SPATA2L: variants seen among roughly 807,000 people sequenced by gnomAD.
SPATA2L encodes spermatogenesis-associated protein 2-like protein.
In SPATA2L, 5 loss-of-function variants were observed where a neutral mutation model predicts 8.7. The observed-to-expected ratio is 0.57, with a 90% confidence interval of 0.30 to 1.21. The LOEUF (loss-of-function observed/expected upper bound fraction) is 1.21, where lower values mean the gene tolerates loss of function less well. SPATA2L is among the 50% of genes most tolerant of loss of function. SPATA2L has a pLI of 0.07. For synonymous variants in SPATA2L, 358 were observed against 275.8 expected (o/e 1.30, Z -2.95); for missense variants, 671 against 591.0 (o/e 1.14, Z -1.40).
chr16:89,698,064 A>G lies in SPATA2L; in HGVS notation c.545T>C (p.Leu182Pro). ...CCCGCTGGCACGCCGTGCCTGCAGC[A>G]GCTCCTCAGCTGGCAGCACACTGGT... is the stretch of plus-strand genomic sequence containing the variant. ...LGTSVLPAEE[L>P]LQARRASGDV... The change falls in exon 3 of 3, where the codon CTG becomes CCG. Residue 182 changes from leucine (L) to proline (P), a missense_variant. Physicochemically the swap from Leu to Pro is moderately conservative, Grantham distance 98. Transcript: ENST00000289805. 1 of 1,598,724 alleles carries G rather than the reference A, an allele frequency of 6.3e-7. No individual in the cohort carries two copies.
chr16:89,696,770 G>A lies in SPATA2L; in HGVS notation c.*564C>T, dbSNP rs991920985. 6.5e-7 allele frequency: 1 copy of A among 1,530,982 alleles called. No individual in the cohort carries two copies. The allele number at this position is 1,530,982 out of a possible 1,614,324, so 94.8% of individuals were successfully genotyped here. ...AGGTCAGGTCATTTCCTGTCTGTGGGCCCAGCTGCTGTGACACCCAAGGGG... is the reference window on the plus strand; with the variant it reads ...AGGTCAGGTCATTTCCTGTCTGTGGACCCAGCTGCTGTGACACCCAAGGGG... On this transcript the variant is annotated 3_prime_UTR_variant, in exon 3 of 3. Coordinates refer to ENST00000289805, the MANE Select transcript of SPATA2L (RefSeq NM_152339.4).
In SPATA2L at chr16:89,697,751, C is replaced by T. The variant is rs770388702; in HGVS notation, c.858G>A (p.Pro286=). Residue 286 remains proline, a synonymous_variant, in exon 3 of 3, where the codon CCG becomes CCA. Coordinates refer to ENST00000289805, the MANE Select transcript of SPATA2L (RefSeq NM_152339.4). ...RAWEPPAEEL[P]QASSPPYGAL... ...CCCCATATGGTGGGCTGCTGGCCTG[C>T]GGCAGCTCCTCAGCTGGGGGCTCCC... is the stretch of plus-strand genomic sequence containing the variant. 3.2e-5 allele frequency: 51 copies of T among 1,604,252 alleles called. No individual in the cohort carries two copies. Among genetic ancestry groups the T allele is most frequent in the Admixed American group, 2.6e-4 (15 of 58,712 alleles).
In SPATA2L at chr16:89,697,075, C is replaced by G. The variant is rs1375136198; in HGVS notation, c.*259G>C. Reference sequence around the variant, plus strand: ...ACAGGCTGGACCCCTCTACCCAGCACATGTGGGCATGCGTCTGGGTTCCGA... The same window carrying G: ...ACAGGCTGGACCCCTCTACCCAGCAGATGTGGGCATGCGTCTGGGTTCCGA... On this transcript the variant is annotated 3_prime_UTR_variant, in exon 3 of 3. Transcript: ENST00000289805. The G allele has an allele frequency of 1.4e-6, 2 of 1,387,830 alleles. No individual in the cohort carries two copies. The highest frequency in any genetic ancestry group is 5.2e-5 in the East Asian group (2 of 38,710). 86.0% of individuals were successfully genotyped at this position (1,387,830 alleles called of 1,614,324 possible).
Position 89,701,006 on chromosome 16 carries a change from C to T in SPATA2L, c.227G>A (p.Arg76His). 1 of 1,565,868 alleles carries T rather than the reference C, an allele frequency of 6.4e-7. No homozygotes were observed. The change falls in exon 2 of 3, where the codon CGC (arginine) becomes CAC (histidine). Residue 76 changes from arginine (R) to histidine (H), a missense_variant. Transcript: ENST00000289805. ...DLAPALRGLA[R>H]AFELLELAAV... ...GGCGAGCTCCAGAAGCTCGAAGGCG[C>T]GAGCCAGGCCGCGTAGCGCGGGCGC... is the stretch of plus-strand genomic sequence containing the variant.
chr16:89,696,810 C>G lies in SPATA2L; in HGVS notation c.*524G>C. 6.5e-7 allele frequency: 1 copy of G among 1,534,414 alleles called. No individual in the cohort carries two copies. Among genetic ancestry groups the G allele is most frequent in the Non-Finnish European group, 8.7e-7 (1 of 1,145,962 alleles). On this transcript the variant is annotated 3_prime_UTR_variant, in exon 3 of 3. Coordinates refer to ENST00000289805, the MANE Select transcript of SPATA2L (RefSeq NM_152339.4). ...CACCCAAGGGGAGGGCCGGCGTCCC[C>G]GAAGCCAGGTCAGCCGTGCACCCGG...
chr16:89,701,356 G>T, intron 1 of SPATA2L, 123 bp from the exon 2 acceptor site: 1 of 1,027,642 alleles, frequency 9.7e-7, no homozygotes. Flanking sequence ...GCCCCCAGCG[G>T]CTGGGCGCCC....
In SPATA2L at chr16:89,697,070, C is replaced by T; in HGVS notation, c.*264G>A. On this transcript the variant is annotated 3_prime_UTR_variant, in exon 3 of 3. Coordinates refer to ENST00000289805, the MANE Select transcript of SPATA2L (RefSeq NM_152339.4). ...CTGGAACAGGCTGGACCCCTCTACC[C>T]AGCACATGTGGGCATGCGTCTGGGT... 5 of 1,393,004 alleles carry T rather than the reference C, an allele frequency of 3.6e-6. No homozygotes were observed. Among genetic ancestry groups the T allele is most frequent in the Non-Finnish European group, 4.6e-6 (5 of 1,075,740 alleles). The allele number at this position is 1,393,004 out of a possible 1,614,324, so 86.3% of individuals were successfully genotyped here. A position where few individuals can be genotyped will look rare whatever the true frequency, so the allele number is the denominator to read the frequency against.
intron 2 of SPATA2L, among the ~76,000 whole-genome samples, chr16:89,698,553 T>A (rs1490404112): frequency 7.9e-5 from 10 of 126,458 alleles, no homozygotes; most frequent in African/African-American, 2.9e-4. Flanking sequence ...TGGCTCCATC[T>A]CAGCTCACTG....
At chr16:89,700,894 G>A in intron 2 of SPATA2L, 36 bp downstream of exon 2, 3 of 1,411,230 alleles carry the variant, frequency 2.1e-6, no homozygotes, top group Non-Finnish European at 2.8e-6. Flanking sequence ...CCGCAGGCCA[G>A]GACGAGGGGC....
At position 89,701,122 on chromosome 16, in the gene SPATA2L, C is replaced by A; in HGVS notation, c.111G>T (p.Gln37His). 6.5e-7 allele frequency: 1 copy of A among 1,548,276 alleles called. No individual in the cohort carries two copies. Among genetic ancestry groups the A allele is most frequent in the Non-Finnish European group, 8.7e-7 (1 of 1,153,950 alleles). Residue 37 changes from glutamine to histidine, a missense_variant, in exon 2 of 3, where the codon CAG becomes CAT. Coordinates refer to ENST00000289805, the MANE Select transcript of SPATA2L (RefSeq NM_152339.4). ...GDPSLRAVLW[Q>H]ILVEDFDLHG... is the part of the protein sequence containing the mutation. ...GCAGGTCGAAGTCCTCCACCAGGATCTGCCAGAGCACCGCGCGCAGCGAGG... is the reference window on the plus strand; with the variant it reads ...GCAGGTCGAAGTCCTCCACCAGGATATGCCAGAGCACCGCGCGCAGCGAGG...
Position 89,700,934 on chromosome 16 carries a change from ATGG to A in SPATA2L, c.296_298del (p.Thr99del), listed in dbSNP as rs2060772052. 2 of 1,468,648 alleles carry A rather than the reference ATGG, an allele frequency of 1.4e-6. No individual in the cohort carries two copies. Among genetic ancestry groups the A allele is most frequent in the Non-Finnish European group, 1.8e-6 (2 of 1,106,574 alleles). The allele number at this position is 1,468,648 out of a possible 1,614,324, so 91.0% of individuals were successfully genotyped here. On this transcript the variant is annotated inframe_deletion, in exon 2 of 3. Coordinates refer to ENST00000289805, the MANE Select transcript of SPATA2L (RefSeq NM_152339.4). ...TCCTCCTGGCCTGGCGCCTACCTTG[ATGG>A]TGGTGAACTCCTTCCTCCAGGGCAG...
intron 2 of SPATA2L, 31 bp from the exon 3 acceptor site, chr16:89,698,336 C>T (rs1162086561): frequency 6.5e-7 from 1 of 1,531,448 alleles, no homozygotes; most frequent in Non-Finnish European, 8.8e-7. Context: ...CAGTGACTGC[C>T]CACCCTCCCA....
At chr16:89,698,989 T>C (rs866853001) in intron 2 of SPATA2L, among the ~76,000 whole-genome samples, 16 of 152,098 alleles carry the variant, frequency 1.1e-4, no homozygotes, top group South Asian at 4.2e-4. Context: ...GGTTTCACCA[T>C]GTTGACCAGG....
chr16:89,698,207 G>T lies in SPATA2L; in HGVS notation c.402C>A (p.Ser134Arg). ...FQKMGYVRRD[S>R]HRLMVTALPP... ...GCAGGGCGGTCACCATGAGCCGATG[G>T]CTGTCTCTGCGTACGTAGCCCATCT... Residue 134 changes from serine to arginine, a missense_variant, in exon 3 of 3, where the codon AGC (serine) becomes AGA (arginine). Ser to Arg is a moderately radical substitution (Grantham distance 110). Transcript: ENST00000289805. 6.2e-7 allele frequency: 1 copy of T among 1,613,024 alleles called. No individual in the cohort carries two copies. Among genetic ancestry groups the T allele is most frequent in the Non-Finnish European group, 8.5e-7 (1 of 1,179,860 alleles).
chr16:89,700,098 T>A (rs1023493951), intron 2 of SPATA2L, among the ~76,000 whole-genome samples: 2 of 152,226 alleles, frequency 1.3e-5, no homozygotes, highest in African/African-American at 4.8e-5. Flanking sequence ...TGACAGAGAT[T>A]AGCTAATTTG....
chr16:89,698,687 A>G (rs1273693883), intron 2 of SPATA2L, among the ~76,000 whole-genome samples: 2 of 150,952 alleles, frequency 1.3e-5, no homozygotes, highest in Admixed American at 6.6e-5. Context: ...GGGTTTCACC[A>G]TGTTGGCCAT....
rs1277202178 is a variant in SPATA2L at position 89,698,048 on chromosome 16, A to G, written c.561T>C (p.Arg187=). ...CACAGGAGGCCACGTCCCCGCTGGC[A>G]CGCCGTGCCTGCAGCAGCTCCTCAG... ...LPAEELLQAR[R]ASGDVASCVA... The change falls in exon 3 of 3, where the codon CGT becomes CGC. Residue 187 remains arginine (R), a synonymous_variant. Coordinates refer to ENST00000289805, the MANE Select transcript of SPATA2L (RefSeq NM_152339.4). 4.4e-5 allele frequency: 71 copies of G among 1,597,268 alleles called. No homozygotes were observed. Among genetic ancestry groups the G allele is most frequent in the Non-Finnish European group, 5.5e-5 (65 of 1,175,502 alleles).
intron 2 of SPATA2L, among the ~76,000 whole-genome samples, chr16:89,698,783 G>C (rs536598852): frequency 4.0e-5 from 6 of 150,026 alleles, no homozygotes; most frequent in Non-Finnish European, 7.4e-5. Flanking sequence ...CACTGTGCCC[G>C]GCCTAGAATT....
chr16:89,698,466 G>C (rs918139524), intron 2 of SPATA2L, among the ~76,000 whole-genome samples, 161 bp from the exon 3 acceptor site: 5 of 132,212 alleles, frequency 3.8e-5, no homozygotes, highest in African/African-American at 1.1e-4. Flanking sequence ...GCCCAAACAT[G>C]ATGATTTCTT....
Sources: gnomAD v4.1 joint callset for allele counts (sites outside exome capture counted in the v4.1 genomes callset) on GRCh38, gnomAD v4.1.1 for gene constraint, MANE v1.5 for transcripts, NCBI Gene and HGNC (gene_info 2026-07-23, HGNC 2026-07-21) for gene names.